The following TUSC3 variants were observed in gnomAD, a reference collection of about 807,000 sequenced individuals.
TUSC3 encodes the protein tumor suppressor candidate 3.
A neutral mutation model predicts 44.8 loss-of-function variants in TUSC3; 45 were observed. That is an observed-to-expected ratio of 1.00 (90% CI 0.79 to 1.29). The LOEUF (loss-of-function observed/expected upper bound fraction) is 1.29, where lower values mean the gene tolerates loss of function less well. TUSC3 is among the 50% of genes most tolerant of loss of function. The probability of loss-of-function intolerance (pLI) is 0.00; values close to 1 mark genes in which losing one functional copy is unlikely to be tolerated. For missense variants in TUSC3, 519 were observed against 437.9 expected (o/e 1.19, Z -1.65); for synonymous variants, 212 against 152.9 (o/e 1.39, Z -2.85).
intron 1 of TUSC3, among the ~76,000 whole-genome samples, chr8:15,448,668 T>C (rs558458649): frequency 3.3e-5 from 5 of 152,332 alleles, no homozygotes; most frequent in African/African-American, 1.2e-4. Flanking sequence ...ATAAATAATG[T>C]GTCTAACACG....
the TUSC3 span, among the ~76,000 whole-genome samples, chr8:15,802,581 C>T: frequency 6.6e-6 from 1 of 151,974 alleles, no homozygotes; most frequent in African/African-American, 2.4e-5. Context: ...GCCACCGTGC[C>T]CAGCTAATTT....
chr8:15,619,657 A>C (rs760714242), intron 1 of TUSC3, among the ~76,000 whole-genome samples: 4 of 151,824 alleles, frequency 2.6e-5, no homozygotes, highest in African/African-American at 7.3e-5. Context: ...ACGCCTGGCT[A>C]ATTTTTTGTA....
At chr8:15,477,848 GT>G (rs1418907931) in intron 1 of TUSC3, among the ~76,000 whole-genome samples, 14 of 152,076 alleles carry the variant, frequency 9.2e-5, no homozygotes, top group Admixed American at 7.9e-4. Context: ...CTTTCCTGCT[GT>G]TTTTTTCTTG....
chr8:15,626,685 C>T (rs1805524623), intron 2 of TUSC3, among the ~76,000 whole-genome samples: 1 of 152,206 alleles, frequency 6.6e-6, no homozygotes. Context: ...CTCTTGGTGG[C>T]TGCTCCAGTC....
At chr8:15,516,210 C>A (rs952660193) in intron 2 of TUSC3, among the ~76,000 whole-genome samples, 2 of 152,102 alleles carry the variant, frequency 1.3e-5, no homozygotes, top group Non-Finnish European at 2.9e-5. Context: ...ATTGACATAT[C>A]TTATATTCTG....
At chr8:15,811,166 A>C in the TUSC3 span, among the ~76,000 whole-genome samples, 1 of 152,156 alleles carries the variant, frequency 6.6e-6, no homozygotes, top group Non-Finnish European at 1.5e-5. Context: ...TCTTGGTGTT[A>C]ATTCTATTGA....
chr8:15,443,648 CT>C (rs1800052309), intron 1 of TUSC3, among the ~76,000 whole-genome samples: 1 of 152,082 alleles, frequency 6.6e-6, no homozygotes, highest in African/African-American at 2.4e-5. Context: ...GATAACAGCC[CT>C]TTCCCAAAAC....
intron 6 of TUSC3, among the ~76,000 whole-genome samples, chr8:15,676,725 C>T (rs1808206242): frequency 6.6e-6 from 1 of 152,106 alleles, no homozygotes; most frequent in Admixed American, 6.5e-5. Context: ...AGGACAGCCT[C>T]CTATACCCAA....
At chr8:15,776,712 C>G in the TUSC3 span, among the ~76,000 whole-genome samples, 3 of 152,154 alleles carry the variant, frequency 2.0e-5, no homozygotes, top group Admixed American at 6.5e-5. Flanking sequence ...TATATTATCA[C>G]TTAAGTAACT....
intron 1 of TUSC3, among the ~76,000 whole-genome samples, chr8:15,473,620 G>T (rs937893458): frequency 1.3e-5 from 2 of 152,170 alleles, no homozygotes; most frequent in African/African-American, 4.8e-5. Context: ...GACTCCGGGG[G>T]TGACATCATA....
chr8:15,482,362 C>G (rs1043610716), intron 1 of TUSC3, among the ~76,000 whole-genome samples: 5 of 152,164 alleles, frequency 3.3e-5, no homozygotes, highest in African/African-American at 1.2e-4. Context: ...GTTCTCGTGG[C>G]AGAGAATGGT....
rs143149853 is a variant in TUSC3 at position 15,427,736 on chromosome 8, A to G, written n.91+10431A>G. Among the ~76,000 whole-genome samples the G allele has an allele frequency of 7.3e-3, 1,118 of 152,276 alleles. 18 individuals carry two copies. Among genetic ancestry groups the G allele is most frequent in the African/African-American group, 0.026 (1,060 of 41,548 alleles). ...CAAGAATTGAGGTTGCTGCAGCCTCATATGGGTAACTACCACTGCTAACAG... is the reference window on the plus strand; with the variant it reads ...CAAGAATTGAGGTTGCTGCAGCCTCGTATGGGTAACTACCACTGCTAACAG... On this transcript the variant is annotated intron_variant and non_coding_transcript_variant, in intron 1 of 5. Transcript: ENST00000503191.
the TUSC3 span, among the ~76,000 whole-genome samples, chr8:15,839,816 TG>T: frequency 6.6e-6 from 1 of 152,190 alleles, no homozygotes; most frequent in African/African-American, 2.4e-5. Flanking sequence ...GAAGACAGTG[TG>T]GCGATTCCTC....
chr8:15,512,381 A>G (rs2129128291), intron 2 of TUSC3, among the ~76,000 whole-genome samples: 1 of 152,306 alleles, frequency 6.6e-6, no homozygotes, highest in Non-Finnish European at 1.5e-5. Flanking sequence ...TTTGGGCCAG[A>G]ACTGCACCTC....
chr8:15,572,816 A>T (rs1412598826), intron 1 of TUSC3, among the ~76,000 whole-genome samples: 1 of 152,152 alleles, frequency 6.6e-6, no homozygotes, highest in Non-Finnish European at 1.5e-5. Flanking sequence ...TTGGTGGAGC[A>T]GTCTGAATAC....
the TUSC3 span, among the ~76,000 whole-genome samples, chr8:15,838,565 A>G: frequency 6.6e-6 from 1 of 152,114 alleles, no homozygotes; most frequent in African/African-American, 2.4e-5. Context: ...TTACTTTAAA[A>G]AAACTCAGGA....
At chr8:15,599,548 GT>G (rs1804197246) in intron 1 of TUSC3, among the ~76,000 whole-genome samples, 1 of 151,576 alleles carries the variant, frequency 6.6e-6, no homozygotes, top group South Asian at 2.1e-4. Flanking sequence ...TCTTATAGTA[GT>G]TTTATAGTTT....
At chr8:15,679,972 G>A (rs1808349476) in intron 6 of TUSC3, among the ~76,000 whole-genome samples, 1 of 152,096 alleles carries the variant, frequency 6.6e-6, no homozygotes, top group Admixed American at 6.5e-5. Flanking sequence ...ATACCATGCT[G>A]TTTTGGTTAC....
At chr8:15,418,328 A>G (rs1390059) in intron 1 of TUSC3, among the ~76,000 whole-genome samples, 5,198 of 152,234 alleles carry the variant, frequency 0.034, 291 homozygotes, top group African/African-American at 0.12. Context: ...TTTAAAATAT[A>G]TGTTTTCCCA....
Sources: allele counts gnomAD v4.1 joint callset (sites outside exome capture counted in the v4.1 genomes callset), GRCh38; gene constraint gnomAD v4.1.1; transcripts MANE v1.5; gene names NCBI Gene and HGNC (gene_info 2026-07-23, HGNC 2026-07-21).